MCC: variants seen among roughly 807,000 people sequenced by gnomAD.
MCC encodes MCC regulator of Wnt signaling pathway, also known as colorectal mutant cancer protein.
MCC carries 90 observed loss-of-function variants against 116.2 expected under a neutral mutation model. The observed-to-expected ratio is 0.77, with a 90% confidence interval of 0.65 to 0.92. The LOEUF (loss-of-function observed/expected upper bound fraction) is 0.92, where lower values mean the gene tolerates loss of function less well. Ranked by LOEUF, MCC falls within the 40% of genes least tolerant of loss-of-function variation. The pLI is 0.00. For missense variants in MCC, 1,516 were observed against 1,312.2 expected (o/e 1.16, Z -2.40); for synonymous variants, 578 against 510.5 (o/e 1.13, Z -1.78).
At chr5:113,107,871 G>A (rs1367177063) in intron 6 of MCC, among the ~76,000 whole-genome samples, 1 of 152,218 alleles carries the variant, frequency 6.6e-6, no homozygotes, top group Non-Finnish European at 1.5e-5. Context: ...GGAGCAGGAA[G>A]AGGGGCTAGG....
In MCC at chr5:113,038,004, G is replaced by A. The variant is rs1015256074; in HGVS notation, c.2756+5526C>T. Among the ~76,000 whole-genome samples, 31 of 152,310 alleles carry A rather than the reference G, an allele frequency of 2.0e-4. No homozygotes were observed. The South Asian group carries it at 4.8e-3, about 23-fold the overall frequency. ...TGTGTTTTAAGGTATTCTGGCGGCA[G>A]AATCAAACTACAGAATGACCCATTA... is the stretch of plus-strand genomic sequence containing the variant. On this transcript the variant is annotated intron_variant, in intron 17 of 18. Transcript: ENST00000408903.
rs1287801377 is a variant in MCC at position 113,022,922 on chromosome 5, C to G, written c.*4380G>C. The G allele has an allele frequency of 6.9e-6, 1 of 144,492 alleles. No individual in the cohort carries two copies. Among genetic ancestry groups the G allele is most frequent in the Non-Finnish European group, 1.6e-5 (1 of 64,332 alleles). The allele number at this position is 144,492 out of a possible 1,614,324, so 9.0% of individuals were successfully genotyped here. ...TCTCACCCAGATGTAATGTGATAAA[C>G]AAACAGTTTACCCAGTGTAACCTTT... On this transcript the variant is annotated 3_prime_UTR_variant, in exon 19 of 19. Transcript: ENST00000408903.
intron 2 of MCC, among the ~76,000 whole-genome samples, chr5:113,360,234 A>C (rs112851060): frequency 0.024 from 3,636 of 152,314 alleles, 54 homozygotes; most frequent in Middle Eastern, 0.044. Flanking sequence ...CTTCACAAAA[A>C]ACAAAATATT....
intron 11 of MCC, among the ~76,000 whole-genome samples, chr5:113,075,876 C>T (rs985059898): frequency 6.6e-6 from 1 of 152,114 alleles, no homozygotes; most frequent in Non-Finnish European, 1.5e-5. Flanking sequence ...AGCTTCACTC[C>T]TGAAGCCAGT....
At chr5:113,184,192 C>T (rs965280671) in intron 3 of MCC, among the ~76,000 whole-genome samples, 1 of 152,050 alleles carries the variant, frequency 6.6e-6, no homozygotes, top group Non-Finnish European at 1.5e-5. Flanking sequence ...TGGATAATAT[C>T]GATATTCTGA....
intron 1 of MCC, among the ~76,000 whole-genome samples, chr5:113,467,438 G>GTCA (rs1454855714): frequency 6.6e-6 from 1 of 152,166 alleles, no homozygotes; most frequent in African/African-American, 2.4e-5. Context: ...TTATTAAATA[G>GTCA]GGAATCCTTT....
At chr5:113,029,901 G>C (rs930032059) in intron 17 of MCC, among the ~76,000 whole-genome samples, 1 of 152,222 alleles carries the variant, frequency 6.6e-6, no homozygotes, top group Non-Finnish European at 1.5e-5. Flanking sequence ...GCTCCCCCAT[G>C]GTCATGTTGG....
intron 3 of MCC, among the ~76,000 whole-genome samples, chr5:113,234,058 C>G (rs537915834): frequency 6.6e-6 from 1 of 152,266 alleles, no homozygotes; most frequent in East Asian, 1.9e-4. Context: ...ACTTAAAGCT[C>G]TATTCTGACT....
intron 3 of MCC, among the ~76,000 whole-genome samples, chr5:113,330,055 T>G (rs200476094): frequency 2.0e-5 from 3 of 151,216 alleles, no homozygotes; most frequent in African/African-American, 7.2e-5. Context: ...ATAAACTAAC[T>G]GAAAGCCTAA....
intron 5 of MCC, among the ~76,000 whole-genome samples, chr5:113,132,685 T>A (rs1758534721): frequency 6.6e-6 from 1 of 152,198 alleles, no homozygotes; most frequent in Non-Finnish European, 1.5e-5. Context: ...TAGCCCTTAG[T>A]GGACTGACTT....
At chr5:113,185,363 T>C (rs1761849993) in intron 3 of MCC, among the ~76,000 whole-genome samples, 1 of 152,032 alleles carries the variant, frequency 6.6e-6, no homozygotes, top group Non-Finnish European at 1.5e-5. Flanking sequence ...ACACACACCA[T>C]ACAAATTGTT....
chr5:113,183,881 T>A (rs1213269204), intron 3 of MCC, among the ~76,000 whole-genome samples: 1 of 152,146 alleles, frequency 6.6e-6, no homozygotes, highest in Non-Finnish European at 1.5e-5. Flanking sequence ...TCCACATGAC[T>A]GCTGCTCTCC....
At chr5:113,210,672 A>G (rs188905094) in intron 3 of MCC, among the ~76,000 whole-genome samples, 1 of 152,352 alleles carries the variant, frequency 6.6e-6, no homozygotes, top group East Asian at 1.9e-4. Flanking sequence ...AGGAGAATCC[A>G]AGGTTCATGA....
At chr5:113,444,533 T>C (rs780637543) in intron 1 of MCC, among the ~76,000 whole-genome samples, 2 of 152,230 alleles carry the variant, frequency 1.3e-5, no homozygotes, top group African/African-American at 2.4e-5. Context: ...TGTCTAATCT[T>C]GTTTCCTCAT....
At chr5:113,277,416 ATT>A (rs1478162646) in intron 3 of MCC, among the ~76,000 whole-genome samples, 100 of 151,838 alleles carry the variant, frequency 6.6e-4, no homozygotes, top group Non-Finnish European at 1.0e-3. Flanking sequence ...AAAATACAAA[ATT>A]TTTTGTTTAC....
intron 2 of MCC, among the ~76,000 whole-genome samples, chr5:113,377,170 T>G (rs1769006680): frequency 6.6e-6 from 1 of 152,210 alleles, no homozygotes; most frequent in African/African-American, 2.4e-5. Context: ...TGGTCACATT[T>G]GCATTCTCTC....
At chr5:113,372,347 T>C (rs1768855444) in intron 2 of MCC, among the ~76,000 whole-genome samples, 1 of 152,216 alleles carries the variant, frequency 6.6e-6, no homozygotes, top group Non-Finnish European at 1.5e-5. Context: ...AACCAGTTTG[T>C]ACTACTTGAG....
intron 2 of MCC, among the ~76,000 whole-genome samples, chr5:113,366,651 G>A (rs1356054386): frequency 6.6e-6 from 1 of 152,002 alleles, no homozygotes; most frequent in African/African-American, 2.4e-5. Flanking sequence ...TTTTTATGAG[G>A]TTCAGACAAT....
chr5:113,036,012 C>CTTTTTTTTTTTTTTTTTT (rs771378295), intron 17 of MCC, among the ~76,000 whole-genome samples: 1 of 62,904 alleles, frequency 1.6e-5, no homozygotes, highest in African/African-American at 6.5e-5. Context: ...GGATGAGGAA[C>CTTTTTTTTTTTTTTTTTT]TTTTTTTTTT....
Sources: allele counts gnomAD v4.1 joint callset (sites outside exome capture counted in the v4.1 genomes callset), GRCh38; gene constraint gnomAD v4.1.1; transcripts MANE v1.5; gene names NCBI Gene and HGNC (gene_info 2026-07-23, HGNC 2026-07-21).